Variants in PHTF2 observed in about 807,000 individuals in gnomAD.
PHTF2 encodes the protein protein PHTF2.
In PHTF2, 60 loss-of-function variants were observed where a neutral mutation model predicts 101.2. That is an observed-to-expected ratio of 0.59 (90% CI 0.48 to 0.73). The LOEUF (loss-of-function observed/expected upper bound fraction) is 0.73. Among genes scored for constraint, PHTF2 ranks in the 30% least tolerant of loss-of-function variants. The pLI, the probability that PHTF2 is intolerant of heterozygous loss-of-function variation, is 0.00. For missense variants in PHTF2, 747 were observed against 908.7 expected, an observed-to-expected ratio of 0.82 and a Z score of 2.29; for synonymous variants, 311 against 307.3, an observed-to-expected ratio of 1.01 and a Z score of -0.13.
intron 1 of PHTF2, among the ~76,000 whole-genome samples, chr7:77,813,106 C>A (rs1276075433): frequency 6.6e-6 from 1 of 152,116 alleles, no homozygotes; most frequent in Non-Finnish European, 1.5e-5. Context: ...ACCAGGCCTT[C>A]AAGCATTTTA....
At chr7:77,955,476 A>G (rs1806936878) in exon 20 of PHTF2, 1 of 152,584 alleles carries the variant, frequency 6.6e-6, no homozygotes, top group South Asian at 2.1e-4. Flanking sequence ...ATAGAGCAAT[A>G]ATTGTAAATG....
chr7:77,919,833 C>T (rs1460668181), intron 9 of PHTF2, among the ~76,000 whole-genome samples: 2 of 151,994 alleles, frequency 1.3e-5, no homozygotes, highest in Non-Finnish European at 1.5e-5. Flanking sequence ...AGACCTGTGT[C>T]TTCACTGTAT....
intron 16 of PHTF2, among the ~76,000 whole-genome samples, chr7:77,947,688 G>A (rs748963300): frequency 6.6e-6 from 1 of 151,934 alleles, no homozygotes; most frequent in East Asian, 1.9e-4. Context: ...TAAACAGAAT[G>A]CTTTGTTTAT....
At chr7:77,849,264 C>A (rs1484154202) in intron 2 of PHTF2, among the ~76,000 whole-genome samples, 2 of 151,832 alleles carry the variant, frequency 1.3e-5, no homozygotes, top group South Asian at 2.1e-4. Context: ...GCTGGGATTA[C>A]AGGCATGCGC....
At chr7:77,801,553 T>C (rs1358804012) in intron 1 of PHTF2, among the ~76,000 whole-genome samples, 1 of 152,166 alleles carries the variant, frequency 6.6e-6, no homozygotes, top group East Asian at 1.9e-4. Context: ...ACCACTGCAC[T>C]TGGCCTGGGT....
At chr7:77,831,531 G>T (rs1036159347) in intron 1 of PHTF2, among the ~76,000 whole-genome samples, 2 of 152,192 alleles carry the variant, frequency 1.3e-5, no homozygotes, top group African/African-American at 2.4e-5. Context: ...AGTCACCATG[G>T]TGTGTAATCC....
chr7:77,834,305 C>T (rs990373519), intron 1 of PHTF2, among the ~76,000 whole-genome samples: 9 of 121,624 alleles, frequency 7.4e-5, no homozygotes, highest in Non-Finnish European at 1.1e-4. Flanking sequence ...TGAGTGAGAC[C>T]TTGTCTCAAA....
intron 1 of PHTF2, among the ~76,000 whole-genome samples, chr7:77,807,647 G>A (rs142537980): frequency 1.7e-4 from 26 of 152,230 alleles, no homozygotes; most frequent in African/African-American, 6.3e-4. Context: ...TCATTCTGCA[G>A]GGGAGAAAAA....
intron 3 of PHTF2, among the ~76,000 whole-genome samples, chr7:77,877,643 G>GCAATGT (rs1433362439): frequency 1.1e-4 from 17 of 152,274 alleles, no homozygotes; most frequent in African/African-American, 2.6e-4. Context: ...TGCATTAACA[G>GCAATGT]CAATGTTCTC....
intron 17 of PHTF2, among the ~76,000 whole-genome samples, chr7:77,951,201 G>T (rs1388978063): frequency 6.6e-6 from 1 of 152,172 alleles, no homozygotes; most frequent in Non-Finnish European, 1.5e-5. Context: ...CACTTTGGGA[G>T]GCTGAGATGA....
exon 10 of PHTF2, chr7:77,920,320 C>A (rs1289913983): frequency 6.2e-7 from 1 of 1,600,198 alleles, no homozygotes; most frequent in Admixed American, 1.7e-5. Context: ...TCAACTGAAA[C>A]TGACAATGGC....
chr7:77,844,170 G>A (rs1177625135), intron 2 of PHTF2, among the ~76,000 whole-genome samples: 1 of 151,888 alleles, frequency 6.6e-6, no homozygotes, highest in South Asian at 2.1e-4. Flanking sequence ...CCTAACTTTT[G>A]TATTTTTTTG....
At chr7:77,925,802 A>G (rs1316707327) in intron 11 of PHTF2, among the ~76,000 whole-genome samples, 1 of 152,120 alleles carries the variant, frequency 6.6e-6, no homozygotes, top group African/African-American at 2.4e-5. Flanking sequence ...TCATGCTTGT[A>G]ATCGCAGCAC....
chr7:77,918,933 C>A (rs1297024914), intron 9 of PHTF2, among the ~76,000 whole-genome samples: 1 of 152,086 alleles, frequency 6.6e-6, no homozygotes, highest in African/African-American at 2.4e-5. Flanking sequence ...TCTTTCTGCC[C>A]CTTTAGGAAC....
intron 7 of PHTF2, among the ~76,000 whole-genome samples, chr7:77,905,915 G>A (rs1206796369): frequency 4.6e-5 from 7 of 152,174 alleles, no homozygotes; most frequent in Admixed American, 2.6e-4. Context: ...TGTCTAGTTC[G>A]TAGGACTTCA....
intron 18 of PHTF2, 120 bp downstream of exon 17, chr7:77,951,832 A>G: frequency 1.7e-6 from 1 of 571,740 alleles, no homozygotes; most frequent in South Asian, 2.2e-5. Context: ...TTGTTTCCAA[A>G]TTATACTTGT....
chr7:77,932,233 C>T (rs1276848713), intron 12 of PHTF2, among the ~76,000 whole-genome samples: 1 of 151,996 alleles, frequency 6.6e-6, no homozygotes, highest in Non-Finnish European at 1.5e-5. Flanking sequence ...TTGATATATA[C>T]AGGAGAAAAC....
intron 2 of PHTF2, among the ~76,000 whole-genome samples, chr7:77,848,482 T>A (rs930930394): frequency 4.6e-5 from 7 of 152,250 alleles, no homozygotes; most frequent in Non-Finnish European, 8.8e-5. Context: ...CCTTTTCATA[T>A]ACCTGTTTGC....
chr7:77,944,216 C>A (rs1358940251), intron 16 of PHTF2, among the ~76,000 whole-genome samples: 1 of 152,026 alleles, frequency 6.6e-6, no homozygotes, highest in Non-Finnish European at 1.5e-5. Flanking sequence ...GTATTGTATC[C>A]CAGAGACTTG....
Sources: allele counts gnomAD v4.1 joint callset (sites outside exome capture counted in the v4.1 genomes callset), GRCh38; gene constraint gnomAD v4.1.1; transcripts MANE v1.5; gene names NCBI Gene and HGNC (gene_info 2026-07-23, HGNC 2026-07-21).